Variants in ADAM23 observed in about 807,000 individuals in gnomAD.
The protein encoded by ADAM23 is disintegrin and metalloproteinase domain-containing protein 23.
A neutral mutation model predicts 120.1 loss-of-function variants in ADAM23; 33 were observed. The ratio of observed to expected loss-of-function variants is 0.27; its 90% CI spans 0.21 to 0.37. The LOEUF (loss-of-function observed/expected upper bound fraction) is 0.37, where lower values mean the gene tolerates loss of function less well. Ranked by LOEUF, ADAM23 falls within the 10% of genes least tolerant of loss-of-function variation. ADAM23 has a pLI of 1.00. For synonymous variants in ADAM23, 367 were observed against 375.2 expected (o/e 0.98, Z 0.25); for missense variants, 862 against 1,058.2 (o/e 0.81, Z 2.57).
intron 24 of ADAM23, among the ~76,000 whole-genome samples, chr2:206,605,150 T>TA: frequency 6.6e-6 from 1 of 152,224 alleles, no homozygotes; most frequent in Admixed American, 6.5e-5. Flanking sequence ...AAGCAATTAA[T>TA]ACGGTTTCCC....
intron 3 of ADAM23, among the ~76,000 whole-genome samples, chr2:206,510,917 T>C (rs943242331): frequency 6.6e-6 from 1 of 152,214 alleles, no homozygotes; most frequent in South Asian, 2.1e-4. Context: ...TCCAGGAACA[T>C]GGTATAGTTT....
In ADAM23 at chr2:206,620,149, G is replaced by T. The variant is rs1412007213; in HGVS notation, c.*2522G>T. The T allele has an allele frequency of 1.3e-5, 2 of 152,124 alleles. No homozygotes were observed. The highest frequency in any genetic ancestry group is 2.9e-5 in the Non-Finnish European group (2 of 68,030). 9.4% of individuals were successfully genotyped at this position (152,124 alleles called of 1,614,324 possible). ...ACATAACAGAAACAAAATCATGTTGGTTACAAAACAAATTAAATCTCTATT... is the reference window on the plus strand; with the variant it reads ...ACATAACAGAAACAAAATCATGTTGTTTACAAAACAAATTAAATCTCTATT... On this transcript the variant is annotated 3_prime_UTR_variant, in exon 26 of 26. Coordinates refer to ENST00000264377, the MANE Select transcript of ADAM23 (RefSeq NM_003812.4).
chr2:206,603,024 T>C (rs889137534), intron 24 of ADAM23, among the ~76,000 whole-genome samples: 1 of 152,142 alleles, frequency 6.6e-6, no homozygotes, highest in Admixed American at 6.5e-5. Flanking sequence ...TGTTGTCAGC[T>C]AGAAGCTTTA....
rs186571460 is a variant in ADAM23 at position 206,610,764 on chromosome 2, G to T, written c.2450+764G>T. Among the ~76,000 whole-genome samples the T allele has an allele frequency of 1.2e-4, 18 of 152,204 alleles. No individual in the cohort carries two copies. In the East Asian group the frequency reaches 3.5e-3, roughly 29 times the overall value. ...AAATTTTTAAAGCTGATTTATCCAGGCTGGCTATTTCTACACTCCAGAATC... is the reference window on the plus strand; with the variant it reads ...AAATTTTTAAAGCTGATTTATCCAGTCTGGCTATTTCTACACTCCAGAATC... On this transcript the variant is annotated intron_variant, in intron 25 of 25. Transcript: ENST00000264377.
chr2:206,488,799 G>A (rs1174291812), intron 3 of ADAM23, among the ~76,000 whole-genome samples: 1 of 152,180 alleles, frequency 6.6e-6, no homozygotes, highest in East Asian at 1.9e-4. Context: ...AGGTGCTTTA[G>A]ACTTTGAAAG....
In ADAM23 at chr2:206,556,633, G is replaced by A. The variant is rs868442018; in HGVS notation, c.934-794G>A. 2.3e-4 allele frequency among the ~76,000 whole-genome samples: 35 copies of A among 152,246 alleles called. No individual in the cohort carries two copies. In the South Asian group the frequency reaches 3.3e-3, roughly 14 times the overall value. ...AAGCGTACTACTCCTTGCTAAAAAC[G>A]TAGCCCTCCAGATGTCATTGTAGAA... is the stretch of plus-strand genomic sequence containing the variant. On this transcript the variant is annotated intron_variant, in intron 9 of 25. Coordinates refer to ENST00000264377, the MANE Select transcript of ADAM23 (RefSeq NM_003812.4).
chr2:206,498,413 T>G lies in ADAM23; in HGVS notation c.509+17105T>G, dbSNP rs1303197081. On this transcript the variant is annotated intron_variant, in intron 3 of 25. Transcript: ENST00000264377. ...GAAGAAATGGGGAAAGGATTCCCTATTTAATAAATGGTGCTGGGAAAACTG... is the reference window on the plus strand; with the variant it reads ...GAAGAAATGGGGAAAGGATTCCCTAGTTAATAAATGGTGCTGGGAAAACTG... Among the ~76,000 whole-genome samples the G allele has an allele frequency of 2.6e-5, 4 of 152,316 alleles. 1 individual carries two copies. The highest frequency in any genetic ancestry group is 9.6e-5 in the African/African-American group (4 of 41,568).
intron 2 of ADAM23, among the ~76,000 whole-genome samples, chr2:206,466,119 G>A (rs1397131535): frequency 6.6e-6 from 1 of 152,132 alleles, no homozygotes; most frequent in African/African-American, 2.4e-5. Flanking sequence ...AATATTAGAA[G>A]CAGTAGAGAT....
Position 206,575,830 on chromosome 2 carries a change from A to G in ADAM23, c.1737+2635A>G, listed in dbSNP as rs1342890871. Among the ~76,000 whole-genome samples the G allele has an allele frequency of 2.0e-5, 3 of 152,156 alleles. No homozygotes were observed. The East Asian group carries it at 5.8e-4, about 29-fold the overall frequency. ...ATGGCAGAACTGTGGCGGAATGCCT[A>G]GTTCTTCTTCCCAAGCTTATCATTG... is the stretch of plus-strand genomic sequence containing the variant. On this transcript the variant is annotated intron_variant, in intron 18 of 25. Coordinates refer to ENST00000264377, the MANE Select transcript of ADAM23 (RefSeq NM_003812.4).
At chr2:206,545,803 C>T (rs1311620536) in intron 6 of ADAM23, among the ~76,000 whole-genome samples, 3 of 152,114 alleles carry the variant, frequency 2.0e-5, no homozygotes, top group African/African-American at 7.2e-5. Flanking sequence ...CAAAATTATT[C>T]GACTCATTCA....
At chr2:206,535,055 G>A (rs1697143308) in intron 4 of ADAM23, among the ~76,000 whole-genome samples, 1 of 151,592 alleles carries the variant, frequency 6.6e-6, no homozygotes, top group African/African-American at 2.4e-5. Flanking sequence ...ACCCACATGT[G>A]TGTATGTGGC....
At chr2:206,604,196 G>A (rs1204520056) in intron 24 of ADAM23, among the ~76,000 whole-genome samples, 3 of 152,016 alleles carry the variant, frequency 2.0e-5, no homozygotes, top group Non-Finnish European at 2.9e-5. Context: ...AACCCGGGAG[G>A]CAGAGGTTGC....
intron 3 of ADAM23, among the ~76,000 whole-genome samples, chr2:206,499,510 G>A (rs1252736313): frequency 6.7e-6 from 1 of 148,422 alleles, no homozygotes; most frequent in African/African-American, 2.5e-5. Flanking sequence ...GGGGGAGGGG[G>A]GATAGCATTA....
chr2:206,474,279 C>A (rs899031635), intron 2 of ADAM23, among the ~76,000 whole-genome samples: 1 of 152,258 alleles, frequency 6.6e-6, no homozygotes, highest in East Asian at 1.9e-4. Flanking sequence ...TGTTTCACTT[C>A]TGTGGAAAAT....
chr2:206,606,153 C>T (rs1453708276), intron 24 of ADAM23, among the ~76,000 whole-genome samples: 2 of 152,220 alleles, frequency 1.3e-5, no homozygotes, highest in Admixed American at 6.5e-5. Flanking sequence ...ATTGCTCCTC[C>T]ACTTTGTAGA....
chr2:206,537,957 C>A (rs1697213329), intron 4 of ADAM23, among the ~76,000 whole-genome samples: 1 of 152,062 alleles, frequency 6.6e-6, no homozygotes, highest in Non-Finnish European at 1.5e-5. Flanking sequence ...ATTAATCATT[C>A]AAAATATTGA....
In ADAM23 at chr2:206,540,848, A is replaced by G. The variant is rs1574522112; in HGVS notation, c.574-1204A>G. Among the ~76,000 whole-genome samples the G allele has an allele frequency of 2.0e-5, 3 of 151,916 alleles. No individual in the cohort carries two copies. The East Asian group carries it at 5.8e-4, about 29-fold the overall frequency. ...AAGTCGGGGACTTCCCTAGTCTGGT[A>G]GGAGCTCATGTATGGAAAAAAATGG... is the stretch of plus-strand genomic sequence containing the variant. On this transcript the variant is annotated intron_variant, in intron 4 of 25. Transcript: ENST00000264377.
intron 4 of ADAM23, among the ~76,000 whole-genome samples, chr2:206,541,314 A>G (rs983058833): frequency 5.3e-5 from 8 of 152,230 alleles, no homozygotes; most frequent in African/African-American, 1.9e-4. Flanking sequence ...TTGTGTACAC[A>G]TAAACAATGA....
chr2:206,587,265 G>A (rs923685412), intron 18 of ADAM23, 60 bp from the exon 19 acceptor site: 5 of 1,289,060 alleles, frequency 3.9e-6, no homozygotes, highest in South Asian at 2.5e-5. Context: ...TATATAGTAT[G>A]TACATTATCT....
Sources: allele counts gnomAD v4.1 joint callset (sites outside exome capture counted in the v4.1 genomes callset), GRCh38; gene constraint gnomAD v4.1.1; transcripts MANE v1.5; gene names NCBI Gene and HGNC (gene_info 2026-07-23, HGNC 2026-07-21).